SPATA9: variants seen among roughly 807,000 people sequenced by gnomAD.
The protein encoded by SPATA9 is spermatogenesis associated 9.
A neutral mutation model predicts 25.5 loss-of-function variants in SPATA9; 27 were observed. That is an observed-to-expected ratio of 1.06 (90% CI 0.78 to 1.46). The LOEUF (loss-of-function observed/expected upper bound fraction) is 1.46, where lower values mean the gene tolerates loss of function less well. Ranked by LOEUF, SPATA9 falls within the 40% of genes most tolerant of loss-of-function variation. The probability of loss-of-function intolerance (pLI) is 0.00; values close to 1 mark genes in which losing one functional copy is unlikely to be tolerated. For synonymous variants in SPATA9, 102 were observed against 105.7 expected (o/e 0.97, Z 0.21); for missense variants, 282 against 297.5 (o/e 0.95, Z 0.38).
At chr5:95,696,835 G>C (rs1223984570) in intron 1 of SPATA9, among the ~76,000 whole-genome samples, 1 of 152,168 alleles carries the variant, frequency 6.6e-6, no homozygotes, top group African/African-American at 2.4e-5. Context: ...CAAGCCAGGG[G>C]ACAGAGCAAG....
the SPATA9 span, among the ~76,000 whole-genome samples, chr5:95,723,338 G>C: frequency 0.07 from 10,730 of 152,272 alleles, 994 homozygotes; most frequent in African/African-American, 0.21. Flanking sequence ...TTGGACTTCT[G>C]CAAACACAAC....
At chr5:95,715,161 TG>T in the SPATA9 span, among the ~76,000 whole-genome samples, 2 of 151,892 alleles carry the variant, frequency 1.3e-5, no homozygotes, top group African/African-American at 2.4e-5. Flanking sequence ...CCATCTCTAC[TG>T]AAAATACAAA....
chr5:95,652,869 ATTG>A (rs1750439584), downstream of SPATA9: 1 of 449,404 alleles, frequency 2.2e-6, no homozygotes, highest in Non-Finnish European at 3.8e-6. Context: ...CTGGGCATCC[ATTG>A]TTGTTTTGCT....
chr5:95,671,248 T>C (rs559522249), intron 3 of SPATA9, among the ~76,000 whole-genome samples: 13 of 152,306 alleles, frequency 8.5e-5, no homozygotes, highest in African/African-American at 3.1e-4. Flanking sequence ...ATGTCTCTTC[T>C]TGATGTTTCT....
the SPATA9 span, among the ~76,000 whole-genome samples, chr5:95,728,873 G>A: frequency 5.3e-5 from 8 of 152,294 alleles, no homozygotes; most frequent in African/African-American, 1.9e-4. Context: ...AGATGGTGGT[G>A]ACAGTGACCT....
At chr5:95,673,376 T>TTGTG (rs10557096) in intron 3 of SPATA9, among the ~76,000 whole-genome samples, 2 of 150,354 alleles carry the variant, frequency 1.3e-5, no homozygotes, top group African/African-American at 2.4e-5. Flanking sequence ...GTGTGTGTGT[T>TTGTG]TGTGTGTGTG....
chr5:95,710,943 G>A, the SPATA9 span, among the ~76,000 whole-genome samples: 15 of 151,932 alleles, frequency 9.9e-5, no homozygotes, highest in Non-Finnish European at 2.1e-4. Flanking sequence ...TTTAATATCT[G>A]GGGCTGCCTG....
chr5:95,674,018 G>A (rs1212201716), intron 3 of SPATA9, among the ~76,000 whole-genome samples: 2 of 152,160 alleles, frequency 1.3e-5, no homozygotes, highest in African/African-American at 4.8e-5. Flanking sequence ...GGGATTACAG[G>A]CATGAGCCAC....
At chr5:95,678,593 G>A (rs946045549) in intron 2 of SPATA9, among the ~76,000 whole-genome samples, 8 of 152,042 alleles carry the variant, frequency 5.3e-5, no homozygotes, top group Admixed American at 1.3e-4. Flanking sequence ...CCTGGGTGGC[G>A]CGGGGGAGGG....
chr5:95,660,480 A>C (rs1751162233), intron 4 of SPATA9, among the ~76,000 whole-genome samples: 1 of 152,168 alleles, frequency 6.6e-6, no homozygotes, highest in Admixed American at 6.5e-5. Context: ...TAAGATATTT[A>C]AGTATCTTTA....
the SPATA9 span, chr5:95,731,445 C>A: frequency 8.3e-7 from 1 of 1,206,904 alleles, no homozygotes; most frequent in East Asian, 3.7e-5. Context: ...TGTTCCCGGG[C>A]ACTCCCTGAG....
chr5:95,652,428 C>CCAAGTAGAGATG, downstream of SPATA9: 4 of 1,460,694 alleles, frequency 2.7e-6, no homozygotes, highest in African/African-American at 1.4e-5. Context: ...GACTTGACAT[C>CCAAGTAGAGATG]TCTACTTGGA....
chr5:95,690,016 C>T (rs1388856816), intron 1 of SPATA9, among the ~76,000 whole-genome samples: 2 of 151,870 alleles, frequency 1.3e-5, no homozygotes, highest in African/African-American at 2.4e-5. Context: ...AGGGGAACAA[C>T]GAGACTGGGG....
At chr5:95,707,909 A>G in the SPATA9 span, among the ~76,000 whole-genome samples, 1 of 152,214 alleles carries the variant, frequency 6.6e-6, no homozygotes, top group Non-Finnish European at 1.5e-5. Context: ...GTTTTTGGGG[A>G]ATCAAATCGT....
the SPATA9 span, among the ~76,000 whole-genome samples, chr5:95,730,601 C>A: frequency 1.3e-5 from 2 of 152,192 alleles, no homozygotes; most frequent in African/African-American, 4.8e-5. Context: ...ACAGAAAAAT[C>A]TCCAAGTAAA....
the SPATA9 span, among the ~76,000 whole-genome samples, chr5:95,724,555 T>C: frequency 6.6e-6 from 1 of 152,178 alleles, no homozygotes; most frequent in Admixed American, 6.5e-5. Context: ...GGGCCAATTG[T>C]CTGAATTGGA....
intron 1 of SPATA9, among the ~76,000 whole-genome samples, chr5:95,689,547 G>A (rs1218489594): frequency 2.6e-5 from 4 of 152,014 alleles, no homozygotes; most frequent in Non-Finnish European, 1.5e-5. Context: ...GACATTGCAA[G>A]GACAATAAAC....
chr5:95,724,622 C>T, the SPATA9 span, among the ~76,000 whole-genome samples: 5 of 152,286 alleles, frequency 3.3e-5, no homozygotes, highest in African/African-American at 7.2e-5. Context: ...CCCACCACCA[C>T]GCCCGGCTAA....
chr5:95,664,683 A>T (rs183834951), intron 3 of SPATA9, among the ~76,000 whole-genome samples: 3 of 152,310 alleles, frequency 2.0e-5, no homozygotes, highest in Non-Finnish European at 2.9e-5. Context: ...ATACTGTCTC[A>T]TGGGCCACCT....
Sources: allele counts gnomAD v4.1 joint callset (sites outside exome capture counted in the v4.1 genomes callset), GRCh38; gene constraint gnomAD v4.1.1; transcripts MANE v1.5; gene names NCBI Gene and HGNC (gene_info 2026-07-23, HGNC 2026-07-21).